Variants in WNT5A observed in about 807,000 individuals in gnomAD.
The protein encoded by WNT5A is Wnt family member 5A.
A neutral mutation model predicts 42.1 loss-of-function variants in WNT5A; 9 were observed. That is an observed-to-expected ratio of 0.21 (90% CI 0.13 to 0.37). The LOEUF is 0.37. Among genes scored for constraint, WNT5A ranks in the 10% least tolerant of loss-of-function variants. The probability of loss-of-function intolerance (pLI) is 1.00; values close to 1 mark genes in which losing one functional copy is unlikely to be tolerated. For missense variants in WNT5A, 426 were observed against 534.0 expected (o/e 0.80, Z 1.99); for synonymous variants, 210 against 210.0 (o/e 1.00, Z 0.00).
Position 55,466,674 on chromosome 3 carries a change from T to G in WNT5A, c.*3418A>C, listed in dbSNP as rs1346691095. The G allele has an allele frequency of 6.6e-6, 1 of 152,636 alleles. No individual in the cohort carries two copies. The highest frequency in any genetic ancestry group is 6.5e-5 in the Admixed American group (1 of 15,270). 9.5% of individuals were successfully genotyped at this position (152,636 alleles called of 1,614,324 possible). A position where few individuals can be genotyped will look rare whatever the true frequency, so the allele number is the denominator to read the frequency against. ...AAATTTTTTATTAATTTTCTTGTAT[T>G]GGGAAGATCTTGAATACGCTCCAGG... is the stretch of plus-strand genomic sequence containing the variant. On this transcript the variant is annotated 3_prime_UTR_variant, in exon 5 of 5. Coordinates refer to ENST00000264634, the MANE Select transcript of WNT5A (RefSeq NM_003392.7).
Position 55,480,810 on chromosome 3 carries a change from C to G in WNT5A, c.115G>C (p.Val39Leu), listed in dbSNP as rs1369701937. The G allele has an allele frequency of 1.1e-5, 17 of 1,572,488 alleles. No individual in the cohort carries two copies. Among genetic ancestry groups the G allele is most frequent in the Middle Eastern group, 3.3e-4 (2 of 6,004 alleles). ...CACCAAGAATTGGCTTCAATTACAA[C>G]CTGGGCGAAGGAGAAAAATATGGCC... ...ALAIFFSFAQ[V>L]VIEANSWWSL... The change falls in exon 2 of 5, where the codon GTT becomes CTT. Residue 39 changes from valine to leucine, a missense_variant. Physicochemically the swap from Val to Leu is conservative, Grantham distance 32. Around this residue, in one of 3 missense-constraint regions of WNT5A, gnomAD observed 62 missense variants for 49.0 expected, o/e 1.26. Transcript: ENST00000264634.
the WNT5A span, among the ~76,000 whole-genome samples, chr3:55,498,639 T>C: frequency 6.6e-6 from 1 of 152,186 alleles, no homozygotes; most frequent in Non-Finnish European, 1.5e-5. Flanking sequence ...GACTCACCTA[T>C]ACTCTCCTTC....
chr3:55,482,109 G>A (rs920844313), intron 1 of WNT5A, among the ~76,000 whole-genome samples: 2 of 152,258 alleles, frequency 1.3e-5, no homozygotes, highest in African/African-American at 4.8e-5. Flanking sequence ...GTGGGGGTGC[G>A]GGGCGAGGCC....
At chr3:55,486,293 T>G (rs1046240378) in intron 1 of WNT5A, among the ~76,000 whole-genome samples, 2 of 152,152 alleles carry the variant, frequency 1.3e-5, no homozygotes. Flanking sequence ...TGCTGCAAAG[T>G]GCCTGAGCTC....
chr3:55,481,239 C>T (rs2051455316), intron 1 of WNT5A: 1 of 968,798 alleles, frequency 1.0e-6, no homozygotes, highest in Non-Finnish European at 1.2e-6. Context: ...GTCCCGCACC[C>T]CCTGGCCCCC....
At chr3:55,474,853 G>A in intron 3 of WNT5A, among the ~76,000 whole-genome samples, 1 of 108,060 alleles carries the variant, frequency 9.3e-6, no homozygotes, top group East Asian at 3.5e-4. Context: ...AGGTGGGGAA[G>A]CAAGAATAGT....
rs372156419 is a variant in WNT5A, at chr3:55,486,991, G to C, written c.-6C>G. 1.7e-5 allele frequency: 27 copies of C among 1,611,448 alleles called. No homozygotes were observed. The African/African-American group carries it at 3.6e-4, about 21-fold the overall frequency. The stretch of plus-strand genomic sequence containing the variant: ...CACTGAACACCTACCTTCATGGCGA[G>C]GGGGAGGGGGCGCGGGGAGGAAGTC... On this transcript the variant is annotated 5_prime_UTR_variant, in exon 1 of 5. Coordinates refer to ENST00000264634, the MANE Select transcript of WNT5A (RefSeq NM_003392.7).
intron 2 of WNT5A, 46 bp from the exon 3 acceptor site, chr3:55,479,610 A>G (rs765879646): frequency 3.9e-6 from 6 of 1,536,934 alleles, no homozygotes; most frequent in Non-Finnish European, 8.8e-7. Flanking sequence ...TGAAATCTCG[A>G]GGTGGGCCCC....
the WNT5A span, among the ~76,000 whole-genome samples, chr3:55,499,433 G>A: frequency 7.2e-5 from 11 of 152,156 alleles, no homozygotes; most frequent in East Asian, 2.1e-3. Context: ...AGAAGATGCA[G>A]CCTGTGACCT....
intron 3 of WNT5A, among the ~76,000 whole-genome samples, chr3:55,475,482 A>T (rs2051340374): frequency 6.6e-6 from 1 of 152,162 alleles, no homozygotes; most frequent in Non-Finnish European, 1.5e-5. Context: ...CCAGAGGACA[A>T]TTCTAAATCA....
the WNT5A span, among the ~76,000 whole-genome samples, chr3:55,496,795 A>G: frequency 1.1e-4 from 17 of 152,244 alleles, no homozygotes; most frequent in Non-Finnish European, 2.1e-4. Context: ...CTATTTCAAA[A>G]TTTGCCAACA....
At chr3:55,477,743 C>T (rs1267502009) in intron 3 of WNT5A, among the ~76,000 whole-genome samples, 3 of 152,190 alleles carry the variant, frequency 2.0e-5, no homozygotes, top group Non-Finnish European at 4.4e-5. Flanking sequence ...TGGCCCAAAA[C>T]AGGCTACGTA....
chr3:55,481,418 C>T, intron 1 of WNT5A: 1 of 985,410 alleles, frequency 1.0e-6, no homozygotes, highest in Non-Finnish European at 1.2e-6. Flanking sequence ...CCAGAGGCTG[C>T]CAAGGAGGCG....
chr3:55,487,162 G>A lies in WNT5A; in HGVS notation c.-177C>T. ...AGCTGAAGCGGGCACTGGCGCCCGGGCCTGGACTCCCGAGTTGGGGCAGAG... is the reference window on the plus strand; with the variant it reads ...AGCTGAAGCGGGCACTGGCGCCCGGACCTGGACTCCCGAGTTGGGGCAGAG... On this transcript the variant is annotated 5_prime_UTR_variant, in exon 1 of 5. Transcript: ENST00000264634. 1 of 598,730 alleles carries A rather than the reference G, an allele frequency of 1.7e-6. No individual in the cohort carries two copies. The highest frequency in any genetic ancestry group is 2.8e-5 in the East Asian group (1 of 35,104). The allele number at this position is 598,730 out of a possible 1,614,324, so 37.1% of individuals were successfully genotyped here.
At chr3:55,503,022 C>T in the WNT5A span, among the ~76,000 whole-genome samples, 24,550 of 152,184 alleles carry the variant, frequency 0.16, 2,446 homozygotes, top group Non-Finnish European at 0.23. Flanking sequence ...AACTCTTGCT[C>T]TCAACTTGAG....
chr3:55,470,032 A>T lies in WNT5A; in HGVS notation c.*60T>A. ...TTTCTAAAAACCAAAAACCAGAATC[A>T]CTGTACTTTCTATAAATAAGCGGGT... On this transcript the variant is annotated 3_prime_UTR_variant, in exon 5 of 5. Transcript: ENST00000264634. 2 of 1,601,490 alleles carry T rather than the reference A, an allele frequency of 1.2e-6. No homozygotes were observed. The highest frequency in any genetic ancestry group is 1.7e-6 in the Non-Finnish European group (2 of 1,169,550).
the WNT5A span, among the ~76,000 whole-genome samples, chr3:55,503,401 G>T: frequency 6.6e-6 from 1 of 152,184 alleles, no homozygotes; most frequent in Non-Finnish European, 1.5e-5. Context: ...TTCTGGAGTT[G>T]TATTACAATT....
upstream of WNT5A, among the ~76,000 whole-genome samples, chr3:55,492,133 T>C (rs1185576570): frequency 6.6e-6 from 1 of 152,100 alleles, no homozygotes; most frequent in Non-Finnish European, 1.5e-5. Flanking sequence ...CCCAGCACCA[T>C]TTGTTGAATA....
chr3:55,479,682 T>G, intron 2 of WNT5A, 118 bp from the exon 3 acceptor site: 2 of 1,344,272 alleles, frequency 1.5e-6, no homozygotes, highest in Non-Finnish European at 2.0e-6. Flanking sequence ...CTCCTGCTTG[T>G]CCTCATGACA....
Sources: gnomAD v4.1 joint callset for allele counts (sites outside exome capture counted in the v4.1 genomes callset) on GRCh38, gnomAD v4.1.1 for gene constraint, gnomAD v4.1.1 regional missense constraint, MANE v1.5 for transcripts, NCBI Gene and HGNC (gene_info 2026-07-23, HGNC 2026-07-21) for gene names.